The following DYDC1 variants were observed in gnomAD, a reference collection of about 807,000 sequenced individuals.
The protein encoded by DYDC1 is DPY30 domain containing 1.
A neutral mutation model predicts 27.9 loss-of-function variants in DYDC1; 21 were observed. The observed-to-expected ratio is 0.75, with a 90% CI of 0.53 to 1.08. The LOEUF is 1.08. Ranked by LOEUF, DYDC1 falls within the 50% of genes least tolerant of loss-of-function variation. The pLI is 0.00. For synonymous variants in DYDC1, 67 were observed against 65.8 expected (o/e 1.02, Z -0.09); for missense variants, 202 against 205.9 (o/e 0.98, Z 0.12).
intron 3 of DYDC1, among the ~76,000 whole-genome samples, chr10:80,348,796 C>T (rs1423996985): frequency 6.6e-6 from 1 of 152,214 alleles, no homozygotes; most frequent in Non-Finnish European, 1.5e-5. Context: ...TTAAATTATA[C>T]ACACATAGAC....
chr10:80,342,358 G>A lies in DYDC1; in HGVS notation c.253C>T (p.Gln85Ter), dbSNP rs963394240. Residue 85 changes from glutamine (Q) to a stop codon, truncating the protein, a stop_gained, in exon 4 of 7, where the codon CAG (glutamine) becomes TAG (stop). Transcript: ENST00000372202. LOFTEE classifies it high-confidence loss of function. ...TCCAACTCTAGCTGCAATGCCAGCT[G>A]TTGCTGAATATTCAGAAATATGTCA... The part of the protein sequence containing the change: ...KAEELLLQQQ[Q>*]LALQLELEMQ... The A allele has an allele frequency of 1.2e-6, 2 of 1,612,892 alleles. No homozygotes were observed. The highest frequency in any genetic ancestry group is 1.7e-5 in the Admixed American group (1 of 60,026).
intron 1 of DYDC1, among the ~76,000 whole-genome samples, chr10:80,353,317 T>C (rs941377362): frequency 2.6e-5 from 4 of 151,946 alleles, no homozygotes; most frequent in African/African-American, 7.2e-5. Context: ...TCCATGGACA[T>C]GTCTGGCTAA....
chr10:80,351,301 C>A (rs1481604117), intron 3 of DYDC1, among the ~76,000 whole-genome samples: 6 of 152,120 alleles, frequency 3.9e-5, no homozygotes, highest in Admixed American at 3.9e-4. Context: ...GATCCAGGCC[C>A]ATTTCCTCTC....
At position 80,356,538 on chromosome 10, in the gene DYDC1, G is replaced by A. The variant is rs916250425; in HGVS notation, c.-10+174C>T. 2.5e-5 allele frequency: 25 copies of A among 985,522 alleles called. No individual in the cohort carries two copies. The African/African-American group carries it at 2.8e-4, about 11-fold the overall frequency. The allele number at this position is 985,522 out of a possible 1,614,324, so 61.0% of individuals were successfully genotyped here. ...CAGCGCTCCCCGCTCAGGGGGAGCA[G>A]GAGGACAGCTGGCCGCTTTCGGGAG... On this transcript the variant is annotated intron_variant, in intron 1 of 6. Transcript: ENST00000372202.
In DYDC1 at chr10:80,338,569, T is replaced by G; in HGVS notation, c.402A>C (p.Glu134Asp). 6.5e-7 allele frequency: 1 copy of G among 1,541,474 alleles called. No individual in the cohort carries two copies. The highest frequency in any genetic ancestry group is 8.7e-7 in the Non-Finnish European group (1 of 1,150,350). The change falls in exon 6 of 7, where the codon GAA becomes GAC. Residue 134 changes from glutamate (E) to aspartate (D), a missense_variant and splice_region_variant. Coordinates refer to ENST00000372202, the MANE Select transcript of DYDC1 (RefSeq NM_001269053.2). ...VRNEDILHSE[E>D]ATLDSGKTLA... Reference sequence around the variant, plus strand: ...GTGTTTTGCCTGAGTCTAGTGTTGCTTCCTACAATCAAAAAATTGATTTTT... The same window carrying G: ...GTGTTTTGCCTGAGTCTAGTGTTGCGTCCTACAATCAAAAAATTGATTTTT...
intron 4 of DYDC1, among the ~76,000 whole-genome samples, chr10:80,339,691 T>A (rs1353440824): frequency 6.6e-6 from 1 of 152,200 alleles, no homozygotes; most frequent in Non-Finnish European, 1.5e-5. Flanking sequence ...ATTCTTCTAG[T>A]CAGCCAAACC....
At chr10:80,339,676 G>GAAAC (rs1842254655) in intron 4 of DYDC1, among the ~76,000 whole-genome samples, 1 of 152,156 alleles carries the variant, frequency 6.6e-6, no homozygotes, top group Admixed American at 6.5e-5. Flanking sequence ...TTCTGAATGT[G>GAAAC]AAACATTCTT....
chr10:80,343,477 T>C (rs1842426280), intron 3 of DYDC1, among the ~76,000 whole-genome samples: 1 of 152,124 alleles, frequency 6.6e-6, no homozygotes, highest in Non-Finnish European at 1.5e-5. Context: ...ATATCCATTA[T>C]GTCAAAACAA....
chr10:80,351,193 CAG>C (rs1842953027), intron 3 of DYDC1, among the ~76,000 whole-genome samples: 1 of 152,170 alleles, frequency 6.6e-6, no homozygotes, highest in Admixed American at 6.5e-5. Flanking sequence ...ATAAAGAAGA[CAG>C]AAACAGTTGT....
chr10:80,349,194 A>T (rs1361288731), intron 3 of DYDC1, among the ~76,000 whole-genome samples: 3 of 152,224 alleles, frequency 2.0e-5, no homozygotes, highest in African/African-American at 7.2e-5. Context: ...CCCGGCCCGC[A>T]GATAAATATT....
chr10:80,342,164 T>C (rs541384701), intron 4 of DYDC1, 105 bp downstream of exon 4: 2 of 1,110,024 alleles, frequency 1.8e-6, no homozygotes, highest in East Asian at 4.8e-5. Flanking sequence ...GTGGCATGTC[T>C]TCAGACTACA....
intron 4 of DYDC1, 81 bp downstream of exon 4, chr10:80,342,188 T>G: frequency 7.2e-7 from 1 of 1,392,638 alleles, no homozygotes. Flanking sequence ...CCCATGGTCC[T>G]TCTGCTAACA....
chr10:80,349,697 T>C (rs1842876525), intron 3 of DYDC1, among the ~76,000 whole-genome samples: 1 of 152,228 alleles, frequency 6.6e-6, no homozygotes, highest in African/African-American at 2.4e-5. Context: ...ATGCAAAGTG[T>C]ATTTGTTAAA....
At chr10:80,351,880 G>A in intron 3 of DYDC1, 21 bp downstream of exon 3, 1 of 1,611,570 alleles carries the variant, frequency 6.2e-7, no homozygotes, top group Non-Finnish European at 8.5e-7. Context: ...AGTCCCCTCT[G>A]AACTCTCCTA....
At chr10:80,348,802 T>A (rs959065985) in intron 3 of DYDC1, among the ~76,000 whole-genome samples, 1 of 152,186 alleles carries the variant, frequency 6.6e-6, no homozygotes, top group Non-Finnish European at 1.5e-5. Context: ...TATACACACA[T>A]AGACTGATAG....
At chr10:80,343,503 G>C (rs1842427610) in intron 3 of DYDC1, among the ~76,000 whole-genome samples, 1 of 152,098 alleles carries the variant, frequency 6.6e-6, no homozygotes, top group Non-Finnish European at 1.5e-5. Context: ...CCAGGGATGG[G>C]TGGCTTATTC....
At chr10:80,354,233 T>C (rs1366581600) in intron 1 of DYDC1, 1 of 151,692 alleles carries the variant, frequency 6.6e-6, no homozygotes, top group African/African-American at 2.4e-5. Context: ...ACACCTGTAA[T>C]CCTAGCACTT....
At position 80,356,731 on chromosome 10, in the gene DYDC1, C is replaced by G. The variant is rs1025625784; in HGVS notation, c.-29G>C. ...GCTCACCCCTACACACGCGCCTGCT[C>G]GCCACCCAGGAGCGGCGTCCCGTTG... is the stretch of plus-strand genomic sequence containing the variant. On this transcript the variant is annotated 5_prime_UTR_variant, in exon 1 of 7. Transcript: ENST00000372202. The G allele has an allele frequency of 9.1e-6, 9 of 985,314 alleles. No homozygotes were observed. The highest frequency in any genetic ancestry group is 9.6e-6 in the Non-Finnish European group (8 of 829,844). 61.0% of individuals were successfully genotyped at this position (985,314 alleles called of 1,614,324 possible).
intron 3 of DYDC1, among the ~76,000 whole-genome samples, chr10:80,345,802 T>C (rs1411716694): frequency 6.6e-6 from 1 of 152,202 alleles, no homozygotes; most frequent in Non-Finnish European, 1.5e-5. Flanking sequence ...CTTTTATATA[T>C]ACATATATGT....
Sources: allele counts gnomAD v4.1 joint callset (sites outside exome capture counted in the v4.1 genomes callset), GRCh38; gene constraint gnomAD v4.1.1; transcripts MANE v1.5; gene names NCBI Gene and HGNC (gene_info 2026-07-23, HGNC 2026-07-21).